The following LOC128125822 variants were observed in gnomAD, a reference collection of about 807,000 sequenced individuals.
the LOC128125822 span, chr6:63,582,045 T>A: frequency 6.6e-6 from 1 of 152,188 alleles, no homozygotes; most frequent in African/African-American, 2.4e-5. Context: ...CACCTCTTCA[T>A]ACCAGTTTAA....
chr6:63,572,534 T>G, the LOC128125822 span: 1 of 392,600 alleles, frequency 2.5e-6, no homozygotes, highest in Non-Finnish European at 4.5e-6. Context: ...CTACGCGCTC[T>G]GCTCCGAGCC....
chr6:63,575,220 A>G, the LOC128125822 span, among the ~76,000 whole-genome samples: 3,130 of 152,316 alleles, frequency 0.021, 107 homozygotes, highest in African/African-American at 0.071. Flanking sequence ...TTAAGCATGG[A>G]AACTAATGGA....
the LOC128125822 span, among the ~76,000 whole-genome samples, chr6:63,574,426 G>A: frequency 6.6e-6 from 1 of 152,172 alleles, no homozygotes; most frequent in Non-Finnish European, 1.5e-5. Flanking sequence ...GAATGGAGGA[G>A]TGTCTTGGGC....
At chr6:63,574,115 T>A in the LOC128125822 span, among the ~76,000 whole-genome samples, 7 of 152,156 alleles carry the variant, frequency 4.6e-5, no homozygotes, top group Non-Finnish European at 1.0e-4. Context: ...TGTTACTCAG[T>A]CAGTTGAAAA....
chr6:63,580,319 C>T, the LOC128125822 span: 1 of 664,702 alleles, frequency 1.5e-6, no homozygotes, highest in African/African-American at 1.8e-5. Flanking sequence ...TCAAGCTAGA[C>T]AGATTTGGCA....
the LOC128125822 span, chr6:63,580,497 C>T: frequency 1.0e-5 from 2 of 200,728 alleles, no homozygotes; most frequent in Admixed American, 5.3e-5. Context: ...CTTATCAATA[C>T]ATAAGAAATT....
At chr6:63,583,539 T>TTA in the LOC128125822 span, 1 of 152,210 alleles carries the variant, frequency 6.6e-6, no homozygotes. Flanking sequence ...GATTTTATAA[T>TTA]TATATATATT....
At chr6:63,583,438 C>T in the LOC128125822 span, 5 of 152,132 alleles carry the variant, frequency 3.3e-5, no homozygotes, top group African/African-American at 1.2e-4. Context: ...TAAGTGGAAT[C>T]TTGGAAGGAA....
the LOC128125822 span, chr6:63,582,072 T>C: frequency 5.9e-5 from 9 of 152,158 alleles, no homozygotes; most frequent in South Asian, 2.1e-4. Flanking sequence ...ATATATTTCA[T>C]TGGATTTTAG....
the LOC128125822 span, chr6:63,573,754 G>A: frequency 6.6e-6 from 1 of 152,392 alleles, no homozygotes; most frequent in East Asian, 1.9e-4. Context: ...CAGTCGTCGA[G>A]AAATGGCCTG....
the LOC128125822 span, chr6:63,573,388 T>TG: frequency 6.6e-6 from 1 of 152,210 alleles, no homozygotes; most frequent in African/African-American, 2.4e-5. Flanking sequence ...GGACAGCCAC[T>TG]GGGTGCAGCT....
the LOC128125822 span, among the ~76,000 whole-genome samples, chr6:63,577,158 A>G: frequency 6.6e-6 from 1 of 152,224 alleles, no homozygotes; most frequent in African/African-American, 2.4e-5. Flanking sequence ...GTACATTTTG[A>G]GAAGGGCATG....
At chr6:63,580,391 G>A in the LOC128125822 span, 1 of 480,952 alleles carries the variant, frequency 2.1e-6, no homozygotes, top group Non-Finnish European at 3.8e-6. Flanking sequence ...CTTGCTGTCA[G>A]CATATAAAAT....
the LOC128125822 span, among the ~76,000 whole-genome samples, chr6:63,578,240 ACTTTT>A: frequency 6.6e-6 from 1 of 152,200 alleles, no homozygotes; most frequent in Non-Finnish European, 1.5e-5. Flanking sequence ...TTTAATATTC[ACTTTT>A]CTTTTTATAT....
chr6:63,576,398 T>C, the LOC128125822 span: 1 of 399,738 alleles, frequency 2.5e-6, no homozygotes, highest in Non-Finnish European at 4.4e-6. Flanking sequence ...AATTGGAAAA[T>C]AACTTATTCT....
At chr6:63,575,233 C>A in the LOC128125822 span, among the ~76,000 whole-genome samples, 1 of 152,082 alleles carries the variant, frequency 6.6e-6, no homozygotes, top group African/African-American at 2.4e-5. Context: ...CTAATGGAAC[C>A]TTTTGTTAAA....
chr6:63,581,639 T>G, the LOC128125822 span: 1 of 152,168 alleles, frequency 6.6e-6, no homozygotes, highest in Admixed American at 6.5e-5. Context: ...CTAAAAGCAC[T>G]TTCCATTATA....
At chr6:63,578,218 ATATG>A in the LOC128125822 span, among the ~76,000 whole-genome samples, 63 of 152,350 alleles carry the variant, frequency 4.1e-4, no homozygotes, top group Non-Finnish European at 5.9e-4. Flanking sequence ...TTTATTAAAA[ATATG>A]TATGGTATTT....
the LOC128125822 span, chr6:63,580,020 T>TAATA: frequency 2.0e-6 from 3 of 1,490,278 alleles, no homozygotes; most frequent in East Asian, 6.8e-5. Context: ...GTAGGGGGCT[T>TAATA]TTGCCTTGTT....
Sources: allele counts gnomAD v4.1 joint callset (sites outside exome capture counted in the v4.1 genomes callset), GRCh38; gene constraint gnomAD v4.1.1; transcripts MANE v1.5.